Variants in NBEAL1 observed in about 807,000 individuals in gnomAD.
The protein encoded by NBEAL1 is neurobeachin like 1, also known as neurobeachin-like protein 1.
Under a neutral mutation model 351.3 loss-of-function variants are expected in NBEAL1, and 273 were observed. The ratio of observed to expected loss-of-function variants is 0.78; its 90% CI spans 0.70 to 0.86. NBEAL1 has a LOEUF of 0.86. Among genes scored for constraint, NBEAL1 ranks in the 40% least tolerant of loss-of-function variants. The probability of loss-of-function intolerance (pLI) is 0.00; values close to 1 mark genes in which losing one functional copy is unlikely to be tolerated. For synonymous variants in NBEAL1, 1,050 were observed against 1,086.4 expected, an observed-to-expected ratio of 0.97 and a Z score of 0.66; for missense variants, 2,961 against 3,201.3, an observed-to-expected ratio of 0.92 and a Z score of 1.81.
chr2:203,083,686 T>C (rs1289549439), intron 9 of NBEAL1, among the ~76,000 whole-genome samples, 161 bp downstream of exon 9: 3 of 152,220 alleles, frequency 2.0e-5, no homozygotes, highest in Non-Finnish European at 2.9e-5. Flanking sequence ...TTATATAGAA[T>C]TGATGTGTTT....
At chr2:203,079,213 G>A (rs2061830162) in intron 8 of NBEAL1, among the ~76,000 whole-genome samples, 1 of 151,966 alleles carries the variant, frequency 6.6e-6, no homozygotes, top group Non-Finnish European at 1.5e-5. Context: ...TAAGGAGCTG[G>A]GACTACAGGT....
At chr2:203,146,055 GGC>G (rs2063505300) in intron 33 of NBEAL1, among the ~76,000 whole-genome samples, 1 of 150,194 alleles carries the variant, frequency 6.7e-6, no homozygotes, top group Non-Finnish European at 1.5e-5. Context: ...GAAAGAAAGA[GGC>G]AGTATCACCA....
chr2:203,209,711 A>ATGTGTGTGTGTGTGTG (rs1491566182), intron 53 of NBEAL1, among the ~76,000 whole-genome samples: 32 of 32,990 alleles, frequency 9.7e-4, no homozygotes, highest in Non-Finnish European at 2.2e-3. Context: ...TATTTAATTA[A>ATGTGTGTGTGTGTGTG]TATGTGTGTG....
intron 10 of NBEAL1, among the ~76,000 whole-genome samples, chr2:203,091,505 T>C (rs987466683): frequency 3.9e-5 from 6 of 152,236 alleles, no homozygotes; most frequent in Non-Finnish European, 8.8e-5. Flanking sequence ...TTACTAGATA[T>C]ATGGTAATTC....
chr2:203,145,563 C>T (rs1294834072), intron 33 of NBEAL1, among the ~76,000 whole-genome samples: 3 of 151,972 alleles, frequency 2.0e-5, no homozygotes, highest in Non-Finnish European at 2.9e-5. Flanking sequence ...TTTGGGAGGC[C>T]GAGGTGGATG....
chr2:203,077,147 C>T (rs1167481982), intron 7 of NBEAL1, among the ~76,000 whole-genome samples: 1 of 151,960 alleles, frequency 6.6e-6, no homozygotes, highest in African/African-American at 2.4e-5. Context: ...TGTGGTGGCT[C>T]ATGCCTGTAA....
rs1394116889 is a variant in NBEAL1, at chr2:203,127,847, A to G, written c.3315A>G (p.Gly1105=). 3 of 1,543,026 alleles carry G rather than the reference A, an allele frequency of 1.9e-6. No individual in the cohort carries two copies. Among genetic ancestry groups the G allele is most frequent in the South Asian group, 1.2e-5 (1 of 84,088 alleles). ...GAACAATAAGGACTTCTTTGTATGGACTAATTAAATATTTTCTGTGCAAAG... is the reference window on the plus strand; with the variant it reads ...GAACAATAAGGACTTCTTTGTATGGGCTAATTAAATATTTTCTGTGCAAAG... ...DIRTIRTSLY[G]LIKYFLCKGG... The change falls in exon 24 of 56, where the codon GGA becomes GGG. Residue 1105 remains glycine, a synonymous_variant. Coordinates refer to ENST00000683969, the MANE Select transcript of NBEAL1 (RefSeq NM_001378026.1).
chr2:203,131,245 T>G (rs1275630018), intron 25 of NBEAL1, among the ~76,000 whole-genome samples: 1 of 152,248 alleles, frequency 6.6e-6, no homozygotes, highest in Admixed American at 6.5e-5. Context: ...AGACGGAGTC[T>G]CGCTCTGTCG....
chr2:203,199,084 A>G (rs2065319969), intron 48 of NBEAL1, among the ~76,000 whole-genome samples: 1 of 151,518 alleles, frequency 6.6e-6, no homozygotes, highest in South Asian at 2.1e-4. Flanking sequence ...GAAGGTTGCA[A>G]TGAGCTGAGA....
intron 41 of NBEAL1, among the ~76,000 whole-genome samples, chr2:203,173,185 AAC>A (rs1177938468): frequency 1.3e-5 from 2 of 152,190 alleles, no homozygotes; most frequent in South Asian, 2.1e-4. Flanking sequence ...TTAATAATCA[AAC>A]ATATTAAAGT....
chr2:203,126,794 A>C, intron 22 of NBEAL1, 30 bp from the exon 23 acceptor site: 2 of 1,539,538 alleles, frequency 1.3e-6, no homozygotes, highest in Non-Finnish European at 1.8e-6. Flanking sequence ...ATTTTAGCTG[A>C]ATTACTTACC....
intron 44 of NBEAL1, among the ~76,000 whole-genome samples, chr2:203,185,345 G>A (rs1314347461): frequency 6.6e-6 from 1 of 152,110 alleles, no homozygotes; most frequent in East Asian, 1.9e-4. Context: ...GTATTACTGA[G>A]TAACAAACTG....
rs576254301 is a variant in NBEAL1 at position 203,220,040 on chromosome 2, G to T, written c.*2686G>T. Among the ~76,000 whole-genome samples the T allele has an allele frequency of 2.6e-5, 4 of 152,258 alleles. No homozygotes were observed. In the South Asian group the frequency reaches 8.3e-4, roughly 32 times the overall value. On this transcript the variant is annotated 3_prime_UTR_variant, in exon 56 of 56. Coordinates refer to ENST00000683969, the MANE Select transcript of NBEAL1 (RefSeq NM_001378026.1). ...AATCACTAGATAAAATAATTGGAAA[G>T]AAGTACTTTTGAGAATTCTGGTATA...
chr2:203,178,334 T>A (rs1262140360), intron 42 of NBEAL1, among the ~76,000 whole-genome samples: 1 of 151,924 alleles, frequency 6.6e-6, no homozygotes, highest in East Asian at 1.9e-4. Context: ...TCAAGTAACT[T>A]TTTTGTATAT....
intron 40 of NBEAL1, 63 bp from the exon 41 acceptor site, chr2:203,172,666 A>G (rs1256722326): frequency 4.2e-6 from 6 of 1,415,826 alleles, no homozygotes; most frequent in Non-Finnish European, 4.8e-6. Flanking sequence ...ATTTGATATT[A>G]GATATGAGGA....
rs779662368 is a variant in NBEAL1, at chr2:203,172,858, G to T, written c.6323+5G>T. 6.9e-6 allele frequency: 11 copies of T among 1,597,094 alleles called. No individual in the cohort carries two copies. Among genetic ancestry groups the T allele is most frequent in the Non-Finnish European group, 9.4e-6 (11 of 1,172,812 alleles). On this transcript the variant is annotated splice_donor_5th_base_variant and intron_variant, in intron 41 of 55. Transcript: ENST00000683969. Reference sequence around the variant, plus strand: ...CGCCAAAGCTATGAGAGAAAAGTAAGTGCTTCTTATTCCTTTTATAAAATA... The same window carrying T: ...CGCCAAAGCTATGAGAGAAAAGTAATTGCTTCTTATTCCTTTTATAAAATA...
intron 7 of NBEAL1, among the ~76,000 whole-genome samples, chr2:203,073,834 C>T (rs562121333): frequency 2.0e-4 from 30 of 152,154 alleles, no homozygotes; most frequent in African/African-American, 4.6e-4. Flanking sequence ...ATCTTTATTT[C>T]GACCTTCTTT....
At position 203,166,269 on chromosome 2, in the gene NBEAL1, C is replaced by G. The variant is rs377637308; in HGVS notation, c.5835C>G (p.Phe1945Leu). 4 of 1,605,834 alleles carry G rather than the reference C, an allele frequency of 2.5e-6. No homozygotes were observed. Among genetic ancestry groups the G allele is most frequent in the Non-Finnish European group, 3.4e-6 (4 of 1,178,102 alleles). The change falls in exon 37 of 56, where the codon TTC (phenylalanine) becomes TTG (leucine). Residue 1945 changes from phenylalanine to leucine, a missense_variant. Transcript: ENST00000683969. ...RLEITTQHIYFYDGSIEKEDG... is the reference protein window; with the variant it reads ...RLEITTQHIYLYDGSIEKEDG... ...AAATCACTACTCAACACATTTACTTCTATGATGGCAGCATTGAAAAAGAAG... is the reference window on the plus strand; with the variant it reads ...AAATCACTACTCAACACATTTACTTGTATGATGGCAGCATTGAAAAAGAAG...
intron 42 of NBEAL1, among the ~76,000 whole-genome samples, chr2:203,179,051 G>A (rs756975203): frequency 6.6e-6 from 1 of 152,124 alleles, no homozygotes; most frequent in African/African-American, 2.4e-5. Flanking sequence ...GATCAGCTCT[G>A]CTTCAAACCA....
Sources: gnomAD v4.1 joint callset for allele counts (sites outside exome capture counted in the v4.1 genomes callset) on GRCh38, gnomAD v4.1.1 for gene constraint, MANE v1.5 for transcripts, NCBI Gene and HGNC (gene_info 2026-07-23, HGNC 2026-07-21) for gene names.